The following PLEKHM3 variants were observed in gnomAD, a reference collection of about 807,000 sequenced individuals.
The protein encoded by PLEKHM3 is pleckstrin homology domain containing M3, also known as pleckstrin homology domain-containing family M member 3.
A neutral mutation model predicts 81.8 loss-of-function variants in PLEKHM3; 45 were observed. The ratio of observed to expected loss-of-function variants is 0.55; its 90% confidence interval spans 0.43 to 0.71. PLEKHM3 has a LOEUF of 0.71. Ranked by LOEUF, PLEKHM3 falls within the 30% of genes least tolerant of loss-of-function variation. The pLI, the probability that PLEKHM3 is intolerant of heterozygous loss-of-function variation, is 0.00. For missense variants in PLEKHM3, 788 were observed against 924.3 expected, an observed-to-expected ratio of 0.85 and a Z score of 1.91; for synonymous variants, 352 against 356.4, an observed-to-expected ratio of 0.99 and a Z score of 0.14.
intron 5 of PLEKHM3, among the ~76,000 whole-genome samples, chr2:207,921,049 CCCTT>C: frequency 6.6e-6 from 1 of 152,020 alleles, no homozygotes; most frequent in East Asian, 1.9e-4. Context: ...CTCCTTCCCT[CCCTT>C]CCTTCCTACT....
At chr2:207,958,438 G>A (rs535401969) in intron 3 of PLEKHM3, among the ~76,000 whole-genome samples, 27 of 152,304 alleles carry the variant, frequency 1.8e-4, no homozygotes, top group African/African-American at 6.5e-4. Context: ...TCTTGTCATA[G>A]TTGACCTCCC....
At chr2:208,025,155 C>T (rs898854311) in intron 1 of PLEKHM3, among the ~76,000 whole-genome samples, 1 of 152,200 alleles carries the variant, frequency 6.6e-6, no homozygotes, top group Non-Finnish European at 1.5e-5. Context: ...CTTTCTCCTC[C>T]TATTACATAC....
In PLEKHM3 at chr2:207,892,246, C is replaced by G. The variant is rs369310508; in HGVS notation, c.1950+16268G>C. On this transcript the variant is annotated intron_variant, in intron 6 of 7. Coordinates refer to ENST00000427836, the MANE Select transcript of PLEKHM3 (RefSeq NM_001080475.3). ...ATAGACTCCGTAAGTCATGCAGTGC[C>G]AGTACTTTCCTGCGGTGCTCATCAT... is the stretch of plus-strand genomic sequence containing the variant. 7.9e-5 allele frequency among the ~76,000 whole-genome samples: 12 copies of G among 152,294 alleles called. No homozygotes were observed. In the South Asian group the frequency reaches 1.5e-3, roughly 18 times the overall value.
chr2:207,899,759 G>T (rs1437291535), intron 6 of PLEKHM3, among the ~76,000 whole-genome samples: 2 of 152,162 alleles, frequency 1.3e-5, no homozygotes, highest in Non-Finnish European at 2.9e-5. Flanking sequence ...ACAGTGTTAA[G>T]AAATGTCACA....
chr2:207,833,076 C>A (rs936771202), intron 7 of PLEKHM3, among the ~76,000 whole-genome samples: 1 of 144,904 alleles, frequency 6.9e-6, no homozygotes, highest in African/African-American at 2.6e-5. Context: ...TGTACCATTG[C>A]ACTCCAGCCT....
chr2:207,983,245 G>A (rs1487111979), intron 2 of PLEKHM3, among the ~76,000 whole-genome samples: 3 of 151,682 alleles, frequency 2.0e-5, no homozygotes, highest in South Asian at 4.2e-4. Context: ...TACAGACGGG[G>A]TTTCGCCATG....
intron 5 of PLEKHM3, among the ~76,000 whole-genome samples, chr2:207,914,002 A>G (rs545220363): frequency 4.6e-5 from 7 of 152,168 alleles, no homozygotes; most frequent in Non-Finnish European, 8.8e-5. Flanking sequence ...CCCCACACAC[A>G]GTATTTTCCT....
chr2:208,007,931 T>C (rs972141766), intron 1 of PLEKHM3, among the ~76,000 whole-genome samples: 3 of 152,140 alleles, frequency 2.0e-5, no homozygotes, highest in African/African-American at 7.2e-5. Context: ...CGGGTACCTG[T>C]AGTCCCAGCT....
chr2:207,969,132 A>C (rs918984341), intron 3 of PLEKHM3, among the ~76,000 whole-genome samples: 2 of 152,088 alleles, frequency 1.3e-5, no homozygotes, highest in African/African-American at 4.8e-5. Context: ...GGACCCCCCA[A>C]TTTTTCACAT....
At chr2:207,964,386 CT>C (rs1270098076) in intron 3 of PLEKHM3, among the ~76,000 whole-genome samples, 3 of 152,174 alleles carry the variant, frequency 2.0e-5, no homozygotes, top group Non-Finnish European at 4.4e-5. Flanking sequence ...GCAAATGATA[CT>C]CAAATCACAC....
Position 207,977,033 on chromosome 2 carries a change from G to A in PLEKHM3, c.1164C>T (p.Tyr388=). The change falls in exon 3 of 8, where the codon TAC becomes TAT. Residue 388 remains tyrosine (Y), a synonymous_variant. Transcript: ENST00000427836. ...GCTTGCCAGGCTGAAAAGCCATAAG[G>A]TAAGCCCTGCTCAGCACAAATGTAA... is the stretch of plus-strand genomic sequence containing the variant. ...KAFTFVLSRA[Y]LMAFQPGKLD... is the part of the protein sequence containing the mutation. 3 of 1,614,220 alleles carry A rather than the reference G, an allele frequency of 1.9e-6. No individual in the cohort carries two copies. The highest frequency in any genetic ancestry group is 2.5e-6 in the Non-Finnish European group (3 of 1,180,050).
At position 208,001,569 on chromosome 2, in the gene PLEKHM3, T is replaced by A; in HGVS notation, c.71A>T (p.Asp24Val). The change falls in exon 2 of 8, where the codon GAT becomes GTT. Residue 24 changes from aspartate to valine, a missense_variant. Physicochemically the swap from Asp to Val is radical, Grantham distance 152 (BLOSUM62 -3). Transcript: ENST00000427836. ...CTGCACAGCCTTTTCTAGATTACTA[T>A]CCAAAGTACTAAAGAATTCCTCCGT... Reference protein sequence around the residue: ...EVTEEFFSTLDSNLEKAVQQA... With the variant: ...EVTEEFFSTLVSNLEKAVQQA... 1 of 1,614,150 alleles carries A rather than the reference T, an allele frequency of 6.2e-7. No homozygotes were observed. The highest frequency in any genetic ancestry group is 8.5e-7 in the Non-Finnish European group (1 of 1,180,030).
chr2:207,953,082 A>G (rs1690380480), intron 3 of PLEKHM3, among the ~76,000 whole-genome samples: 1 of 152,256 alleles, frequency 6.6e-6, no homozygotes, highest in African/African-American at 2.4e-5. Context: ...TAGTATCCAC[A>G]GCATCTCAAA....
chr2:207,901,116 G>A, intron 6 of PLEKHM3: 1 of 615,250 alleles, frequency 1.6e-6, no homozygotes, highest in East Asian at 2.8e-5. Context: ...TCTCAACTGA[G>A]CTCCTTCTCA....
intron 7 of PLEKHM3, among the ~76,000 whole-genome samples, chr2:207,853,856 C>T (rs1050175192): frequency 1.3e-5 from 2 of 152,042 alleles, no homozygotes; most frequent in Non-Finnish European, 2.9e-5. Flanking sequence ...CTGCAGCCTC[C>T]GCCTGCTGAG....
At chr2:207,912,819 C>T (rs757110338) in intron 5 of PLEKHM3, among the ~76,000 whole-genome samples, 3 of 152,276 alleles carry the variant, frequency 2.0e-5, no homozygotes, top group South Asian at 4.2e-4. Flanking sequence ...AGATAACTTA[C>T]GCACACTGCC....
chr2:207,848,037 T>C (rs1248025575), intron 7 of PLEKHM3, among the ~76,000 whole-genome samples: 1 of 152,174 alleles, frequency 6.6e-6, no homozygotes, highest in African/African-American at 2.4e-5. Context: ...TCAGGCTGAT[T>C]AGGGAGAAAA....
At chr2:207,943,731 A>G (rs555786561) in intron 4 of PLEKHM3, among the ~76,000 whole-genome samples, 3 of 150,766 alleles carry the variant, frequency 2.0e-5, no homozygotes, top group Non-Finnish European at 4.5e-5. Context: ...AGCCGGGCGT[A>G]GTGGCGGGCG....
chr2:207,979,785 T>C (rs1691460160), intron 2 of PLEKHM3, among the ~76,000 whole-genome samples: 1 of 152,074 alleles, frequency 6.6e-6, no homozygotes, highest in Admixed American at 6.6e-5. Context: ...CAGGTCTAGA[T>C]CTTAAAATAG....
Sources: gnomAD v4.1 joint callset for allele counts (sites outside exome capture counted in the v4.1 genomes callset) on GRCh38, gnomAD v4.1.1 for gene constraint, MANE v1.5 for transcripts, NCBI Gene and HGNC (gene_info 2026-07-23, HGNC 2026-07-21) for gene names.